The following KANK1 variants were observed in gnomAD, a reference collection of about 807,000 sequenced individuals.
KANK1 encodes the protein KN motif and ankyrin repeat domains 1, also known as KN motif and ankyrin repeat domain-containing protein 1.
A neutral mutation model predicts 106.2 loss-of-function variants in KANK1; 109 were observed. The observed-to-expected ratio is 1.03, with a 90% CI of 0.88 to 1.20. The LOEUF is 1.20. Ranked by LOEUF, KANK1 falls within the 50% of genes most tolerant of loss-of-function variation. The pLI is 0.00. For synonymous variants in KANK1, 873 were observed against 652.2 expected (o/e 1.34, Z -5.16); for missense variants, 2,399 against 1,710.7 (o/e 1.40, Z -7.10).
At chr9:590,561 T>A (rs1204007391) in intron 1 of KANK1, among the ~76,000 whole-genome samples, 1 of 152,126 alleles carries the variant, frequency 6.6e-6, no homozygotes, top group Non-Finnish European at 1.5e-5. Flanking sequence ...AAATGAAAGA[T>A]GTATCGATAA....
rs1420303836 is a variant in KANK1, at chr9:738,479, G to C, written c.3528G>C (p.Glu1176Asp). The part of the protein sequence containing the change: ...LHYSVSHSNF[E>D]IVKLLLDADV... ...ACAGCGTGTCCCACTCCAACTTCGAGATTGTGAAGCTGCTGTTAGATGCCG... is the reference window on the plus strand; with the variant it reads ...ACAGCGTGTCCCACTCCAACTTCGACATTGTGAAGCTGCTGTTAGATGCCG... The change falls in exon 8 of 12, where the codon GAG (glutamate) becomes GAC (aspartate). Residue 1176 changes from glutamate (E) to aspartate (D), a missense_variant. By Grantham distance (45) the Glu-to-Asp change is conservative (BLOSUM62 2). Transcript: ENST00000382297. 1 of 1,614,148 alleles carries C rather than the reference G, an allele frequency of 6.2e-7. No individual in the cohort carries two copies. Among genetic ancestry groups the C allele is most frequent in the Admixed American group, 1.7e-5 (1 of 60,020 alleles).
At chr9:561,811 C>G (rs913051866) in intron 1 of KANK1, among the ~76,000 whole-genome samples, 1 of 152,140 alleles carries the variant, frequency 6.6e-6, no homozygotes, top group African/African-American at 2.4e-5. Context: ...CTATGTAAGT[C>G]ACACTGTTAA....
intron 1 of KANK1, among the ~76,000 whole-genome samples, chr9:650,003 G>T (rs1181381642): frequency 6.6e-6 from 1 of 152,180 alleles, no homozygotes; most frequent in Admixed American, 6.5e-5. Context: ...TTTCTGAGCA[G>T]AGGGAAAGGT....
intron 1 of KANK1, among the ~76,000 whole-genome samples, chr9:633,105 C>T (rs976552573): frequency 4.6e-5 from 7 of 152,224 alleles, no homozygotes; most frequent in East Asian, 3.9e-4. Context: ...TTTCTACACT[C>T]ACTTTTAGTG....
chr9:497,832 G>A (rs540304453), intron 3 of KANK1, among the ~76,000 whole-genome samples: 18 of 144,690 alleles, frequency 1.2e-4, no homozygotes, highest in African/African-American at 5.2e-4. Context: ...CAGCCTGGGC[G>A]ACAGAGTGAG....
intron 1 of KANK1, among the ~76,000 whole-genome samples, chr9:665,974 G>C (rs1004886374): frequency 6.6e-6 from 1 of 152,078 alleles, no homozygotes; most frequent in Non-Finnish European, 1.5e-5. Flanking sequence ...GAGCCCAGGA[G>C]TTTGAGGCCA....
At chr9:494,339 T>C (rs2058425754) in intron 3 of KANK1, among the ~76,000 whole-genome samples, 1 of 152,222 alleles carries the variant, frequency 6.6e-6, no homozygotes. Context: ...TCCTACTTCA[T>C]ATCTGATTTT....
rs2059174803 is a variant in KANK1 at position 514,207 on chromosome 9, TCTCCCTCCCTCCCTTCCTCCCTCC to T, written c.-84+9464_-84+9487del. Among the ~76,000 whole-genome samples the T allele has an allele frequency of 8.4e-5, 4 of 47,416 alleles. 1 individual carries two copies. The highest frequency in any genetic ancestry group is 1.4e-4 in the Non-Finnish European group (4 of 29,356). The allele number at this position is 47,416 out of a possible 152,430, so 31.1% of individuals were successfully genotyped here. ...CTCTCCCTCCCTTCCTCCCTCCCTCTCTCCCTCCCTCCCTTCCTCCCTCCCTCCCTCCCTTCCTTCCTTCCTCCC... is the reference window on the plus strand; with the variant it reads ...CTCTCCCTCCCTTCCTCCCTCCCTCTCTCCCTCCCTTCCTTCCTTCCTCCC... On this transcript the variant is annotated intron_variant, in intron 1 of 11. Transcript: ENST00000382297.
upstream of KANK1, among the ~76,000 whole-genome samples, chr9:504,162 C>T (rs1045464359): frequency 1.7e-4 from 26 of 152,166 alleles, no homozygotes; most frequent in African/African-American, 6.3e-4. Context: ...GCAGGCCAGC[C>T]TCGTTGCCAG....
chr9:518,280 A>G (rs1407433573), intron 1 of KANK1, among the ~76,000 whole-genome samples: 2 of 151,778 alleles, frequency 1.3e-5, no homozygotes, highest in Non-Finnish European at 2.9e-5. Context: ...GTTGAGGCCC[A>G]TCTGATTTGA....
intron 3 of KANK1, among the ~76,000 whole-genome samples, chr9:481,220 C>A (rs2058197648): frequency 6.6e-6 from 1 of 152,022 alleles, no homozygotes; most frequent in Non-Finnish European, 1.5e-5. Flanking sequence ...GGCTTTCACG[C>A]TATCATAAAG....
At chr9:504,098 C>A (rs1224272889), upstream of KANK1, among the ~76,000 whole-genome samples, 1 of 152,112 alleles carries the variant, frequency 6.6e-6, no homozygotes, top group Non-Finnish European at 1.5e-5. Context: ...ACGCTCCGGT[C>A]CCCCTCACCC....
At chr9:523,349 C>G (rs1378629004) in intron 1 of KANK1, among the ~76,000 whole-genome samples, 1 of 151,738 alleles carries the variant, frequency 6.6e-6, no homozygotes, top group Non-Finnish European at 1.5e-5. Context: ...GTTTCACCTT[C>G]AAATATATGT....
chr9:728,894 T>C (rs1831467691), intron 3 of KANK1, among the ~76,000 whole-genome samples: 1 of 152,194 alleles, frequency 6.6e-6, no homozygotes, highest in Non-Finnish European at 1.5e-5. Flanking sequence ...TCTTCCACCT[T>C]TCTAAACTAG....
chr9:586,438 A>G (rs763964377), intron 1 of KANK1, among the ~76,000 whole-genome samples: 7 of 152,178 alleles, frequency 4.6e-5, no homozygotes, highest in Non-Finnish European at 1.0e-4. Flanking sequence ...TGGGTTCAGC[A>G]GTGTGATAGG....
intron 1 of KANK1, among the ~76,000 whole-genome samples, chr9:636,612 A>T (rs1473126877): frequency 6.6e-6 from 1 of 152,204 alleles, no homozygotes; most frequent in Non-Finnish European, 1.5e-5. Flanking sequence ...TCACACCTGT[A>T]ATCCCAACAC....
At chr9:677,628 C>G (rs1459654881) in intron 2 of KANK1, 1 of 152,202 alleles carries the variant, frequency 6.6e-6, no homozygotes, top group Non-Finnish European at 1.5e-5. Context: ...TCCTAAGAGA[C>G]ACATCACCAT....
At chr9:716,930 C>T (rs1373065834) in intron 3 of KANK1, among the ~76,000 whole-genome samples, 1 of 149,780 alleles carries the variant, frequency 6.7e-6, no homozygotes, top group Non-Finnish European at 1.5e-5. Flanking sequence ...CTGCAGTGAG[C>T]TGTGATCACA....
chr9:605,392 C>G (rs537005127), intron 1 of KANK1, among the ~76,000 whole-genome samples: 3 of 151,530 alleles, frequency 2.0e-5, no homozygotes, highest in Non-Finnish European at 4.4e-5. Context: ...ATGTTAAGCT[C>G]TGAATTCAGA....
Sources: allele counts gnomAD v4.1 joint callset (sites outside exome capture counted in the v4.1 genomes callset), GRCh38; gene constraint gnomAD v4.1.1; transcripts MANE v1.5; gene names NCBI Gene and HGNC (gene_info 2026-07-23, HGNC 2026-07-21).